Variants in CAMTA1 observed in about 807,000 individuals in gnomAD.
The protein encoded by CAMTA1 is calmodulin-binding transcription activator 1.
Under a neutral mutation model 170.9 loss-of-function variants are expected in CAMTA1, and 27 were observed. The ratio of observed to expected loss-of-function variants is 0.16; its 90% CI spans 0.12 to 0.22. The LOEUF is 0.22. CAMTA1 is among the 10% of genes least tolerant of loss of function. The probability of loss-of-function intolerance (pLI) is 1.00; values close to 1 mark genes in which losing one functional copy is unlikely to be tolerated. For missense variants in CAMTA1, 1,619 were observed against 2,217.2 expected (o/e 0.73, Z 5.42); for synonymous variants, 833 against 891.5 (o/e 0.93, Z 1.17).
chr1:7,310,672 C>T (rs868745881), intron 5 of CAMTA1, among the ~76,000 whole-genome samples: 20 of 23,674 alleles, frequency 8.4e-4, no homozygotes, highest in South Asian at 2.6e-3. Context: ...TCTTTCTTTC[C>T]TTTCTTTCTC....
intron 5 of CAMTA1, among the ~76,000 whole-genome samples, chr1:7,430,174 C>A (rs947118687): frequency 6.7e-6 from 1 of 149,766 alleles, no homozygotes; most frequent in Non-Finnish European, 1.5e-5. Flanking sequence ...GTGATGATGA[C>A]GATGGCAGTG....
chr1:7,142,270 G>T, intron 4 of CAMTA1: 1 of 450,830 alleles, frequency 2.2e-6, no homozygotes, highest in South Asian at 1.6e-5. Context: ...TTTCAACTCT[G>T]CTAAGCAGCC....
At position 7,634,809 on chromosome 1, in the gene CAMTA1, TG is replaced by T. The variant is rs1165578775; in HGVS notation, c.511-5589del. Among the ~76,000 whole-genome samples, 5 of 152,198 alleles carry T rather than the reference TG, an allele frequency of 3.3e-5. No individual in the cohort carries two copies. The highest frequency in any genetic ancestry group is 1.2e-4 in the African/African-American group (5 of 41,516). Reference sequence around the variant, plus strand: ...GTCTGGGTTTGGTTTTGGTGGTGGTTGGTGGTGGTAGAGCGGGGCCTCTGTC... The same window carrying T: ...GTCTGGGTTTGGTTTTGGTGGTGGTTGTGGTGGTAGAGCGGGGCCTCTGTC... On this transcript the variant is annotated intron_variant, in intron 6 of 22. Transcript: ENST00000303635. This position sits in a 1 kb window ranked among gnomAD's most constrained non-coding sequence, Gnocchi z 6.2.
rs2101585083 is a variant in CAMTA1, at chr1:7,050,027, T to C, written c.235-41277T>C. ...GGGGGAAGGGAATCCCAGGGACATC[T>C]GGGCAAAGACGTTCCCAGGAGGGGA... On this transcript the variant is annotated intron_variant, in intron 3 of 22. Coordinates refer to ENST00000303635, the MANE Select transcript of CAMTA1 (RefSeq NM_015215.4). The surrounding 1 kb of genome is among the most constrained non-coding windows in gnomAD (Gnocchi z 4.8). Among the ~76,000 whole-genome samples the C allele has an allele frequency of 6.6e-6, 1 of 152,288 alleles. No homozygotes were observed. Among genetic ancestry groups the C allele is most frequent in the South Asian group, 2.1e-4 (1 of 4,818 alleles).
chr1:6,834,170 T>A (rs1300635249), intron 3 of CAMTA1, among the ~76,000 whole-genome samples: 6 of 151,288 alleles, frequency 4.0e-5, no homozygotes, highest in Middle Eastern at 3.2e-3. Flanking sequence ...TTTTTTTTTT[T>A]ACTGTTAATC....
chr1:7,240,378 T>C (rs1664644979), intron 4 of CAMTA1, among the ~76,000 whole-genome samples: 1 of 152,158 alleles, frequency 6.6e-6, no homozygotes. Flanking sequence ...CTTCCAACAA[T>C]GAGCAATTAG....
chr1:7,632,930 G>A (rs771867274), intron 6 of CAMTA1, among the ~76,000 whole-genome samples: 22 of 152,194 alleles, frequency 1.4e-4, no homozygotes, highest in Admixed American at 3.3e-4. Flanking sequence ...CCCCACCTCC[G>A]CCTCATGCCC....
intron 3 of CAMTA1, among the ~76,000 whole-genome samples, chr1:6,964,272 G>T (rs1244668031): frequency 2.0e-5 from 3 of 151,932 alleles, no homozygotes; most frequent in African/African-American, 7.3e-5. Context: ...CTGTATAGGG[G>T]TGCGGAGTCC....
rs947413 is a variant in CAMTA1 at position 7,681,965 on chromosome 1, G to C, written c.2914+4232G>C. 0.46 allele frequency among the ~76,000 whole-genome samples: 69,821 copies of C among 151,946 alleles called. 16,217 individuals are homozygous for C. Among genetic ancestry groups the C allele is most frequent in the East Asian group, 0.66 (3,376 of 5,140 alleles). On this transcript the variant is annotated intron_variant, in intron 11 of 22. Transcript: ENST00000303635. The surrounding 1 kb of genome is among the most constrained non-coding windows in gnomAD (Gnocchi z 4.6). ...TCTGATTCTCCCCCAAGGCCAAGTT[G>C]AGAAGATTTAGGGTACCCTGTCCCC...
chr1:7,470,281 C>T (rs1149335), intron 6 of CAMTA1, among the ~76,000 whole-genome samples: 94,079 of 152,182 alleles, frequency 0.62, 30,613 homozygotes, highest in African/African-American at 0.81. Flanking sequence ...ACAATGCACG[C>T]CCTGCTCGGA....
Position 7,051,528 on chromosome 1 carries a change from C to T in CAMTA1, c.235-39776C>T, listed in dbSNP as rs74053717. On this transcript the variant is annotated intron_variant, in intron 3 of 22. Coordinates refer to ENST00000303635, the MANE Select transcript of CAMTA1 (RefSeq NM_015215.4). ...CGCTACCCAGCGCTGTGAGTGGGGT[C>T]TTCCAGTGGGTCCTGATTGCCAGGT... Among the ~76,000 whole-genome samples the T allele has an allele frequency of 3.9e-3, 593 of 152,326 alleles. 4 individuals are homozygous for T. Among genetic ancestry groups the T allele is most frequent in the African/African-American group, 0.014 (578 of 41,588 alleles).
intron 3 of CAMTA1, among the ~76,000 whole-genome samples, chr1:6,832,374 G>A (rs569157604): frequency 6.6e-6 from 1 of 152,072 alleles, no homozygotes; most frequent in African/African-American, 2.4e-5. Flanking sequence ...ACTGTGCCTG[G>A]TTACCTTACC....
intron 10 of CAMTA1, among the ~76,000 whole-genome samples, chr1:7,671,801 C>A (rs2096062766): frequency 6.6e-6 from 1 of 152,174 alleles, no homozygotes; most frequent in Admixed American, 6.5e-5. Flanking sequence ...GTGTCCCTGT[C>A]TGGTCAACTT....
intron 6 of CAMTA1, among the ~76,000 whole-genome samples, chr1:7,563,461 T>A (rs1156936298): frequency 6.6e-6 from 1 of 152,140 alleles, no homozygotes; most frequent in Non-Finnish European, 1.5e-5. Flanking sequence ...GTGCCTTCTG[T>A]TCCCACTCGG....
intron 6 of CAMTA1, among the ~76,000 whole-genome samples, chr1:7,510,415 G>A (rs2094188541): frequency 6.9e-6 from 1 of 145,534 alleles, no homozygotes. Flanking sequence ...CTTCGCCCCT[G>A]GGGGCTCACC....
chr1:7,712,580 A>G (rs1251072775), intron 11 of CAMTA1, among the ~76,000 whole-genome samples: 1 of 152,168 alleles, frequency 6.6e-6, no homozygotes, highest in African/African-American at 2.4e-5. Flanking sequence ...TCGCCTCCCC[A>G]AGTGCTAGGA....
chr1:7,745,113 TCATAGAAGAC>T, intron 17 of CAMTA1, 91 bp downstream of exon 17: 10 of 1,234,904 alleles, frequency 8.1e-6, no homozygotes, highest in Non-Finnish European at 1.1e-5. Flanking sequence ...GAATGCCGTG[TCATAGAAGAC>T]CATACCAAGG....
rs377683638 is a variant in CAMTA1 at position 7,736,563 on chromosome 1, T to A, written c.3263+23T>A. 1.5e-5 allele frequency: 24 copies of A among 1,609,944 alleles called. No homozygotes were observed. The highest frequency in any genetic ancestry group is 2.0e-5 in the Non-Finnish European group (23 of 1,176,554). The stretch of plus-strand genomic sequence containing the variant: ...GCGGTAAGGCTGTGGTGCAGCTGGC[T>A]GGGGGTCAGCCTCGCACATCCTCGC... On this transcript the variant is annotated intron_variant, in intron 13 of 22. Transcript: ENST00000303635. The surrounding 1 kb of genome is among the most constrained non-coding windows in gnomAD (Gnocchi z 4.5).
chr1:6,900,592 T>A (rs1186617806), intron 3 of CAMTA1, among the ~76,000 whole-genome samples: 1 of 152,074 alleles, frequency 6.6e-6, no homozygotes, highest in Non-Finnish European at 1.5e-5. Flanking sequence ...ATAAATGAAT[T>A]CAGCAAGACA....
Sources: allele counts gnomAD v4.1 joint callset (sites outside exome capture counted in the v4.1 genomes callset), GRCh38; gene constraint gnomAD v4.1.1; non-coding constraint Gnocchi (gnomAD v3.1); transcripts MANE v1.5; gene names NCBI Gene and HGNC (gene_info 2026-07-23, HGNC 2026-07-21).